Variants in HAS3 observed in about 807,000 individuals in gnomAD.
HAS3 encodes the protein HA synthase 3.
Under a neutral mutation model 50.3 loss-of-function variants are expected in HAS3, and 27 were observed. The ratio of observed to expected loss-of-function variants is 0.54; its 90% CI spans 0.40 to 0.74. HAS3 has a LOEUF of 0.74. Among genes scored for constraint, HAS3 ranks in the 30% least tolerant of loss-of-function variants. HAS3 has a pLI of 0.00. For missense variants in HAS3, 517 were observed against 742.8 expected (o/e 0.70, Z 3.53); for synonymous variants, 339 against 310.9 (o/e 1.09, Z -0.95).
Position 69,117,366 on chromosome 16 carries a change from C to T in HAS3, c.*2100C>T, listed in dbSNP as rs1961229420. On this transcript the variant is annotated 3_prime_UTR_variant, in exon 4 of 4. Coordinates refer to ENST00000569188, the MANE Select transcript of HAS3 (RefSeq NM_001199280.2). ...AAAACAGGCAGGTACAGGTAGTGGG[C>T]TCACAACGTTTGACCTCGACTGGTT... 2.0e-6 allele frequency: 2 copies of T among 985,620 alleles called. No homozygotes were observed. The highest frequency in any genetic ancestry group is 1.2e-4 in the Admixed American group (2 of 16,254). The allele number at this position is 985,620 out of a possible 1,614,324, so 61.1% of individuals were successfully genotyped here. A position where few individuals can be genotyped will look rare whatever the true frequency, so the allele number is the denominator to read the frequency against.
At position 69,116,479 on chromosome 16, in the gene HAS3, A is replaced by G. The variant is rs1961186676; in HGVS notation, c.*1213A>G. On this transcript the variant is annotated 3_prime_UTR_variant, in exon 4 of 4. Coordinates refer to ENST00000569188, the MANE Select transcript of HAS3 (RefSeq NM_001199280.2). ...AATCATCTCCAATGGAAAGCTTTTCAGTGTTCCCAAAGTGAACTCTCAAAT... is the reference window on the plus strand; with the variant it reads ...AATCATCTCCAATGGAAAGCTTTTCGGTGTTCCCAAAGTGAACTCTCAAAT... 1.0e-6 allele frequency: 1 copy of G among 985,776 alleles called. No homozygotes were observed. Among genetic ancestry groups the G allele is most frequent in the Admixed American group, 6.1e-5 (1 of 16,276 alleles). 61.1% of individuals were successfully genotyped at this position (985,776 alleles called of 1,614,324 possible). A position where few individuals can be genotyped will look rare whatever the true frequency, so the allele number is the denominator to read the frequency against.
At position 69,114,484 on chromosome 16, in the gene HAS3, C is replaced by A. The variant is rs570587006; in HGVS notation, c.880C>A (p.Leu294Ile). 2.5e-6 allele frequency: 4 copies of A among 1,613,772 alleles called. No individual in the cohort carries two copies. Among genetic ancestry groups the A allele is most frequent in the Non-Finnish European group, 3.4e-6 (4 of 1,179,814 alleles). The change falls in exon 4 of 4, where the codon CTC becomes ATC. Residue 294 changes from leucine to isoleucine, a missense_variant. Coordinates refer to ENST00000569188, the MANE Select transcript of HAS3 (RefSeq NM_001199280.2). This position sits in a 1 kb window ranked among gnomAD's most constrained non-coding sequence, Gnocchi z 6.4. ...SGPLGMYRNSLLQQFLEDWYH... is the reference protein window; with the variant it reads ...SGPLGMYRNSILQQFLEDWYH... ...GCCCTTGGGCATGTACCGCAACAGCCTCCTCCAGCAGTTCCTGGAGGACTG... is the reference window on the plus strand; with the variant it reads ...GCCCTTGGGCATGTACCGCAACAGCATCCTCCAGCAGTTCCTGGAGGACTG...
Position 69,116,323 on chromosome 16 carries a change from C to G in HAS3, c.*1057C>G. 1.0e-6 allele frequency: 1 copy of G among 985,842 alleles called. No individual in the cohort carries two copies. The highest frequency in any genetic ancestry group is 1.2e-6 in the Non-Finnish European group (1 of 829,914). 61.1% of individuals were successfully genotyped at this position (985,842 alleles called of 1,614,324 possible). A position where few individuals can be genotyped will look rare whatever the true frequency, so the allele number is the denominator to read the frequency against. The stretch of plus-strand genomic sequence containing the variant: ...CTCTTATAGAAGCTTCAGCAGGAGG[C>G]AAGCGTGTTCTCAGCACATATGGGA... On this transcript the variant is annotated 3_prime_UTR_variant, in exon 4 of 4. Coordinates refer to ENST00000569188, the MANE Select transcript of HAS3 (RefSeq NM_001199280.2).
At chr16:69,084,924 T>C in the HAS3 span, 4 of 152,372 alleles carry the variant, frequency 2.6e-5, no homozygotes, top group African/African-American at 9.6e-5. Flanking sequence ...CTGAGTCAGA[T>C]CTTCCTTGGT....
At chr16:69,118,445 G>A (rs138706531), downstream of HAS3, 60 of 1,608,504 alleles carry the variant, frequency 3.7e-5, no homozygotes, top group Middle Eastern at 3.3e-4. Context: ...CCAACGCCAC[G>A]TTTCTAGAGA....
At position 69,117,329 on chromosome 16, in the gene HAS3, T is replaced by G; in HGVS notation, c.*2063T>G. ...CTGCCTTGCACTGTGGTCGTCAACTTTCCTCAAATCAAAAACAGGCAGGTA... is the reference window on the plus strand; with the variant it reads ...CTGCCTTGCACTGTGGTCGTCAACTGTCCTCAAATCAAAAACAGGCAGGTA... On this transcript the variant is annotated 3_prime_UTR_variant, in exon 4 of 4. Coordinates refer to ENST00000569188, the MANE Select transcript of HAS3 (RefSeq NM_001199280.2). 1 of 985,876 alleles carries G rather than the reference T, an allele frequency of 1.0e-6. No individual in the cohort carries two copies. 61.1% of individuals were successfully genotyped at this position (985,876 alleles called of 1,614,324 possible).
Position 69,106,942 on chromosome 16 carries a change from G to C in HAS3, c.-1+1155G>C, listed in dbSNP as rs1960820911. 1 of 152,266 alleles carries C rather than the reference G, an allele frequency of 6.6e-6. No individual in the cohort carries two copies. 9.4% of individuals were successfully genotyped at this position (152,266 alleles called of 1,614,324 possible). On this transcript the variant is annotated intron_variant, in intron 1 of 3. Transcript: ENST00000569188. The surrounding 1 kb of genome is among the most constrained non-coding windows in gnomAD (Gnocchi z 5.5). The stretch of plus-strand genomic sequence containing the variant: ...CACACCAGCAGCCCCTCAAAGTTTC[G>C]GAGGCTTGATGGAGAAGCGTGCGTC...
chr16:69,110,448 C>G (rs948274034), intron 2 of HAS3, among the ~76,000 whole-genome samples: 2 of 152,102 alleles, frequency 1.3e-5, no homozygotes, highest in Admixed American at 6.5e-5. Context: ...ACTATGTTGC[C>G]CAGGCTGGAG....
At chr16:69,097,100 C>T in the HAS3 span, among the ~76,000 whole-genome samples, 1 of 151,724 alleles carries the variant, frequency 6.6e-6, no homozygotes, top group Admixed American at 6.6e-5. Flanking sequence ...TGCAGTGAGC[C>T]GTGATTGCAC....
At chr16:69,096,120 G>A in the HAS3 span, among the ~76,000 whole-genome samples, 1 of 151,352 alleles carries the variant, frequency 6.6e-6, no homozygotes, top group Non-Finnish European at 1.5e-5. Context: ...GGAGGCTGAG[G>A]CAGGAGAATC....
chr16:69,095,721 A>C, the HAS3 span, among the ~76,000 whole-genome samples: 4 of 152,176 alleles, frequency 2.6e-5, no homozygotes, highest in African/African-American at 9.6e-5. Context: ...AGCCAAAAAA[A>C]AAAAATTAAC....
At position 69,109,857 on chromosome 16, in the gene HAS3, C is replaced by A; in HGVS notation, c.462C>A (p.Asn154Lys). The change falls in exon 2 of 4, where the codon AAC becomes AAA. Residue 154 changes from asparagine (N) to lysine (K), a missense_variant. Asn to Lys is a moderately conservative substitution (Grantham distance 94). Coordinates refer to ENST00000569188, the MANE Select transcript of HAS3 (RefSeq NM_001199280.2). The surrounding 1 kb of genome is among the most constrained non-coding windows in gnomAD (Gnocchi z 5.3). ...CCGGCTTCTTTGTGTGGCGCAGCAA[C>A]TTCCATGAGGCAGGCGAGGGTGAGA... ...EQAGFFVWRS[N>K]FHEAGEGETE... The A allele has an allele frequency of 6.2e-7, 1 of 1,613,642 alleles. No homozygotes were observed. Among genetic ancestry groups the A allele is most frequent in the Non-Finnish European group, 8.5e-7 (1 of 1,180,026 alleles).
At chr16:69,099,515 G>A in the HAS3 span, among the ~76,000 whole-genome samples, 2 of 149,072 alleles carry the variant, frequency 1.3e-5, no homozygotes, top group South Asian at 2.1e-4. Flanking sequence ...TTTAGTAGAG[G>A]TGGGGTTTCA....
chr16:69,099,999 T>G, the HAS3 span, among the ~76,000 whole-genome samples: 1 of 152,104 alleles, frequency 6.6e-6, no homozygotes, highest in Admixed American at 6.6e-5. Context: ...CCTGGCCCCT[T>G]AGCAGGGGCT....
chr16:69,115,147 T>C lies in HAS3; in HGVS notation c.1543T>C (p.Ser515Pro). Residue 515 changes from serine to proline, a missense_variant, in exon 4 of 4, where the codon TCT becomes CCT. Coordinates refer to ENST00000569188, the MANE Select transcript of HAS3 (RefSeq NM_001199280.2). ...TGAGACAGAGCTAGCCTTCCTTGTC[T>C]CTGGGGCTATACTGTATGGCTGCTA... ...FSETELAFLV[S>P]GAILYGCYWV... The C allele has an allele frequency of 6.2e-7, 1 of 1,609,360 alleles. No homozygotes were observed. The highest frequency in any genetic ancestry group is 8.5e-7 in the Non-Finnish European group (1 of 1,177,442).
At chr16:69,110,142 A>T in intron 2 of HAS3, 111 bp downstream of exon 2, 1 of 1,077,856 alleles carries the variant, frequency 9.3e-7, no homozygotes, top group Non-Finnish European at 1.3e-6. Context: ...TTGTGCACAC[A>T]CCTGTGCACT....
chr16:69,095,441 T>C, the HAS3 span, among the ~76,000 whole-genome samples: 7 of 152,110 alleles, frequency 4.6e-5, no homozygotes, highest in Non-Finnish European at 1.0e-4. Flanking sequence ...AGAAATGCAC[T>C]TGTAAGTCTC....
At chr16:69,118,683 C>A, downstream of HAS3, 1 of 670,662 alleles carries the variant, frequency 1.5e-6, no homozygotes, top group Non-Finnish European at 2.7e-6. Context: ...CCACAAATAA[C>A]ATCTCACCTT....
In HAS3 at chr16:69,107,432, T is replaced by C. The variant is rs1960839496; in HGVS notation, c.-1+1645T>C. 2 of 985,426 alleles carry C rather than the reference T, an allele frequency of 2.0e-6. No individual in the cohort carries two copies. Among genetic ancestry groups the C allele is most frequent in the Admixed American group, 6.1e-5 (1 of 16,272 alleles). 61.0% of individuals were successfully genotyped at this position (985,426 alleles called of 1,614,324 possible). On this transcript the variant is annotated intron_variant, in intron 1 of 3. Coordinates refer to ENST00000569188, the MANE Select transcript of HAS3 (RefSeq NM_001199280.2). The surrounding 1 kb of genome is among the most constrained non-coding windows in gnomAD (Gnocchi z 5.5). ...CAGGGCCTGGTCCGACTGGGATCCC[T>C]TGGGTTTTCCGTTCCTTCCCGGTTG...
Sources: gnomAD v4.1 joint callset for allele counts (sites outside exome capture counted in the v4.1 genomes callset) on GRCh38, gnomAD v4.1.1 for gene constraint, Gnocchi (gnomAD v3.1) non-coding constraint, MANE v1.5 for transcripts, NCBI Gene and HGNC (gene_info 2026-07-23, HGNC 2026-07-21) for gene names.